GALNT14: variants seen among roughly 807,000 people sequenced by gnomAD.
GALNT14 encodes the protein UDP-GalNAc:polypeptide N-acetylgalactosaminyltransferase 14.
Under a neutral mutation model 77.5 loss-of-function variants are expected in GALNT14, and 60 were observed. That is an observed-to-expected ratio of 0.77 (90% CI 0.63 to 0.96). The LOEUF is 0.96. Ranked by LOEUF, GALNT14 falls within the 40% of genes least tolerant of loss-of-function variation. The pLI is 0.00. For missense variants in GALNT14, 710 were observed against 731.0 expected, an observed-to-expected ratio of 0.97 and a Z score of 0.33; for synonymous variants, 280 against 281.7, an observed-to-expected ratio of 0.99 and a Z score of 0.06.
chr2:30,915,160 TTTC>T (rs1018255486), intron 13 of GALNT14, among the ~76,000 whole-genome samples: 10 of 151,720 alleles, frequency 6.6e-5, no homozygotes, highest in East Asian at 1.9e-4. Flanking sequence ...CACTTTGGCA[TTTC>T]TTCTTTTTTA....
intron 1 of GALNT14, among the ~76,000 whole-genome samples, chr2:30,997,740 T>C (rs1207204184): frequency 6.6e-6 from 1 of 152,232 alleles, no homozygotes. Flanking sequence ...TGGGGTACAA[T>C]GCGATGTTTT....
At chr2:31,121,508 G>A (rs937032226) in intron 1 of GALNT14, among the ~76,000 whole-genome samples, 2 of 152,062 alleles carry the variant, frequency 1.3e-5, no homozygotes, top group African/African-American at 4.8e-5. Flanking sequence ...TTCCCAACTG[G>A]GGAAATCTGA....
chr2:30,912,637 C>T (rs550191125), intron 13 of GALNT14, among the ~76,000 whole-genome samples: 2 of 152,306 alleles, frequency 1.3e-5, no homozygotes, highest in African/African-American at 4.8e-5. Flanking sequence ...TGAACAACAA[C>T]CCCAGCTGAG....
intron 1 of GALNT14, among the ~76,000 whole-genome samples, chr2:30,996,375 C>T (rs189981374): frequency 6.0e-4 from 92 of 152,344 alleles, no homozygotes; most frequent in African/African-American, 1.9e-3. Flanking sequence ...TCTGGCCACA[C>T]GTGGAGGACA....
At chr2:31,111,041 T>G (rs1239199260) in intron 1 of GALNT14, among the ~76,000 whole-genome samples, 1 of 152,188 alleles carries the variant, frequency 6.6e-6, no homozygotes, top group Non-Finnish European at 1.5e-5. Context: ...CTATGGTTGT[T>G]CAGCAGAGCT....
chr2:31,076,831 G>A (rs1358154240), intron 1 of GALNT14, among the ~76,000 whole-genome samples: 2 of 152,062 alleles, frequency 1.3e-5, no homozygotes, highest in African/African-American at 4.8e-5. Context: ...TTGGACAACA[G>A]GTGTAAACTC....
chr2:31,036,234 A>T (rs1672731699), intron 1 of GALNT14, among the ~76,000 whole-genome samples: 1 of 151,994 alleles, frequency 6.6e-6, no homozygotes. Context: ...GCCTTCTTTT[A>T]TGTTAAATGG....
intron 1 of GALNT14, among the ~76,000 whole-genome samples, chr2:31,089,775 G>A (rs1676638834): frequency 6.6e-6 from 1 of 152,112 alleles, no homozygotes; most frequent in Admixed American, 6.5e-5. Context: ...TTTCGTGCAA[G>A]GGATCCCAGA....
At chr2:30,896,930 G>A in the GALNT14 span, among the ~76,000 whole-genome samples, 15 of 152,016 alleles carry the variant, frequency 9.9e-5, no homozygotes, top group Non-Finnish European at 1.9e-4. Flanking sequence ...AACAGGCCCC[G>A]CCTTCTCCGA....
intron 13 of GALNT14, among the ~76,000 whole-genome samples, chr2:30,919,044 C>T (rs977373780): frequency 1.3e-5 from 2 of 152,188 alleles, no homozygotes; most frequent in Non-Finnish European, 2.9e-5. Flanking sequence ...GCCAGTAGCC[C>T]ACACACTGGG....
At chr2:30,905,066 A>G in the GALNT14 span, among the ~76,000 whole-genome samples, 4 of 152,220 alleles carry the variant, frequency 2.6e-5, no homozygotes, top group African/African-American at 2.4e-5. Flanking sequence ...TCTGTACAAC[A>G]TCATCATCAA....
At chr2:30,937,585 C>T (rs1666130058) in intron 9 of GALNT14, among the ~76,000 whole-genome samples, 1 of 152,192 alleles carries the variant, frequency 6.6e-6, no homozygotes, top group Admixed American at 6.5e-5. Context: ...CTCCAGCAGC[C>T]GTGGTCGGTA....
intron 1 of GALNT14, among the ~76,000 whole-genome samples, chr2:31,120,570 T>A (rs1678357882): frequency 1.3e-5 from 2 of 152,210 alleles, no homozygotes; most frequent in Non-Finnish European, 2.9e-5. Flanking sequence ...AACACATTTT[T>A]TTTTTAGACA....
the GALNT14 span, among the ~76,000 whole-genome samples, chr2:30,895,229 TG>T: frequency 6.6e-6 from 1 of 152,068 alleles, no homozygotes; most frequent in East Asian, 1.9e-4. Context: ...ACAGAGGCAG[TG>T]GGGGGTCCCA....
intron 1 of GALNT14, among the ~76,000 whole-genome samples, chr2:31,044,674 T>C (rs1471121770): frequency 6.6e-6 from 1 of 151,812 alleles, no homozygotes; most frequent in African/African-American, 2.4e-5. Flanking sequence ...TCCCAGCGCT[T>C]TGGGAGGTCG....
chr2:30,898,387 A>T, the GALNT14 span, among the ~76,000 whole-genome samples: 4 of 152,198 alleles, frequency 2.6e-5, no homozygotes, highest in African/African-American at 4.8e-5. Flanking sequence ...CTGATGTTTA[A>T]TCCTCACGAT....
chr2:31,095,160 A>T (rs957381971), intron 1 of GALNT14, among the ~76,000 whole-genome samples: 12 of 152,164 alleles, frequency 7.9e-5, no homozygotes, highest in African/African-American at 2.9e-4. Context: ...AACCCAGAGA[A>T]GACAACACAG....
chr2:30,965,613 G>A (rs2148341278), intron 3 of GALNT14, among the ~76,000 whole-genome samples: 1 of 152,294 alleles, frequency 6.6e-6, no homozygotes, highest in Admixed American at 6.5e-5. Flanking sequence ...GCAGGCCAGA[G>A]GCCATCCATA....
chr2:30,944,930 C>G lies in GALNT14; in HGVS notation c.755G>C (p.Ser252Thr). The change falls in exon 8 of 15, where the codon AGC becomes ACC. Residue 252 changes from serine to threonine, a missense_variant. Ser to Thr is a moderately conservative substitution (Grantham distance 58). Transcript: ENST00000349752. Reference sequence around the variant, plus strand: ...GAGCTGCTCCCACTGGAAGTGGAGGCTCCAGTCAAACCCTACAACACAGCA... The same window carrying G: ...GAGCTGCTCCCACTGGAAGTGGAGGGTCCAGTCAAACCCTACAACACAGCA... ...ASELRGGFDW[S>T]LHFQWEQLSP... 6.2e-7 allele frequency: 1 copy of G among 1,610,114 alleles called. No homozygotes were observed.
Sources: allele counts gnomAD v4.1 joint callset (sites outside exome capture counted in the v4.1 genomes callset), GRCh38; gene constraint gnomAD v4.1.1; transcripts MANE v1.5; gene names NCBI Gene and HGNC (gene_info 2026-07-23, HGNC 2026-07-21).